TTLL11: variants seen among roughly 807,000 people sequenced by gnomAD.
TTLL11 encodes tubulin tyrosine ligase like 11.
Under a neutral mutation model 51.7 loss-of-function variants are expected in TTLL11, and 42 were observed. The ratio of observed to expected loss-of-function variants is 0.81; its 90% CI spans 0.64 to 1.05. The LOEUF (loss-of-function observed/expected upper bound fraction) is 1.05. Among genes scored for constraint, TTLL11 ranks in the 50% least tolerant of loss-of-function variants. The pLI is 0.00. For missense variants in TTLL11, 799 were observed against 940.4 expected (o/e 0.85, Z 1.97); for synonymous variants, 381 against 383.5 (o/e 0.99, Z 0.08).
chr9:121,852,527 T>C (rs544139909), intron 8 of TTLL11, among the ~76,000 whole-genome samples: 1 of 152,116 alleles, frequency 6.6e-6, no homozygotes, highest in South Asian at 2.1e-4. Context: ...TCAAAAAGAA[T>C]TCAGCTTTCT....
At chr9:121,976,395 A>G (rs1403087778) in intron 4 of TTLL11, among the ~76,000 whole-genome samples, 1 of 152,210 alleles carries the variant, frequency 6.6e-6, no homozygotes, top group Non-Finnish European at 1.5e-5. Flanking sequence ...CGCTGCCCCT[A>G]ATGAGATTCT....
chr9:121,848,438 T>C (rs1264966424), intron 8 of TTLL11, among the ~76,000 whole-genome samples: 2 of 152,040 alleles, frequency 1.3e-5, no homozygotes, highest in Non-Finnish European at 1.5e-5. Context: ...ATGAAAGGTA[T>C]AGAGATTTGG....
chr9:122,091,123 C>A (rs1846250150), intron 1 of TTLL11, among the ~76,000 whole-genome samples: 1 of 152,170 alleles, frequency 6.6e-6, no homozygotes, highest in Non-Finnish European at 1.5e-5. Context: ...GTCCATCTGG[C>A]CCCATCTCTC....
At chr9:121,918,618 T>A (rs771999693) in intron 6 of TTLL11, among the ~76,000 whole-genome samples, 21 of 152,130 alleles carry the variant, frequency 1.4e-4, no homozygotes, top group Non-Finnish European at 2.4e-4. Context: ...GAGATAAATT[T>A]AAAAATGCAT....
At chr9:122,008,076 A>G (rs1176407270) in intron 3 of TTLL11, among the ~76,000 whole-genome samples, 2 of 152,208 alleles carry the variant, frequency 1.3e-5, no homozygotes, top group African/African-American at 4.8e-5. Flanking sequence ...ACCCCAGACA[A>G]ACCCAAATTG....
chr9:121,899,404 C>T (rs10985437), intron 6 of TTLL11, among the ~76,000 whole-genome samples: 945 of 56,120 alleles, frequency 0.017, 6 homozygotes, highest in African/African-American at 0.046. Flanking sequence ...TATATATATA[C>T]ACACACACAC....
At chr9:122,033,613 G>A (rs1210241833) in intron 2 of TTLL11, among the ~76,000 whole-genome samples, 2 of 152,162 alleles carry the variant, frequency 1.3e-5, no homozygotes, top group Non-Finnish European at 2.9e-5. Context: ...CAGAATGAAT[G>A]AGTTTCCTCT....
chr9:121,918,253 T>C (rs1165455214), intron 6 of TTLL11, among the ~76,000 whole-genome samples: 1 of 152,172 alleles, frequency 6.6e-6, no homozygotes, highest in African/African-American at 2.4e-5. Context: ...TGAGACTCTG[T>C]GAGGCCTAAC....
chr9:121,866,631 G>C (rs1384574134), intron 7 of TTLL11, among the ~76,000 whole-genome samples: 1 of 144,538 alleles, frequency 6.9e-6, no homozygotes, highest in Non-Finnish European at 1.5e-5. Flanking sequence ...CTGTACTTCA[G>C]CCTGGGCAAC....
At chr9:122,049,363 G>A (rs1338830509) in intron 1 of TTLL11, among the ~76,000 whole-genome samples, 8 of 152,210 alleles carry the variant, frequency 5.3e-5, no homozygotes, top group African/African-American at 1.9e-4. Flanking sequence ...AGTGCTAGGA[G>A]AGTAAATAAC....
chr9:121,930,002 G>A, intron 6 of TTLL11, among the ~76,000 whole-genome samples: 1 of 152,200 alleles, frequency 6.6e-6, no homozygotes, highest in East Asian at 1.9e-4. Context: ...AAATTTTGGT[G>A]ATTAATGGAA....
chr9:121,915,843 T>C (rs969014126), intron 6 of TTLL11, among the ~76,000 whole-genome samples: 2 of 152,102 alleles, frequency 1.3e-5, no homozygotes, highest in Admixed American at 6.6e-5. Flanking sequence ...ACTTATCTTA[T>C]ACAAGCAGCA....
intron 4 of TTLL11, among the ~76,000 whole-genome samples, chr9:121,976,479 T>A (rs1842713381): frequency 6.6e-6 from 1 of 152,150 alleles, no homozygotes; most frequent in Non-Finnish European, 1.5e-5. Context: ...TGCAGAAAAT[T>A]TCTAACATAA....
Position 121,989,339 on chromosome 9 carries a change from C to T in TTLL11, c.1125G>A (p.Leu375=). The T allele has an allele frequency of 2.5e-6, 4 of 1,614,172 alleles. No homozygotes were observed. The South Asian group carries it at 4.4e-5, about 18-fold the overall frequency. Residue 375 remains leucine (L), a synonymous_variant, in exon 4 of 9, where the codon CTG becomes CTA. Coordinates refer to ENST00000321582, the MANE Select transcript of TTLL11 (RefSeq NM_001139442.2). This position sits in a 1 kb window ranked among gnomAD's most constrained non-coding sequence, Gnocchi z 4.2. The part of the protein sequence containing the change: ...KRTFSSILCR[L]SSKGVDIKKV... ...TCTTGATGTCAACGCCTTTGGAAGA[C>T]AGTCTACAAAGGATGCTGGAAAAAG... is the stretch of plus-strand genomic sequence containing the variant.
intron 2 of TTLL11, among the ~76,000 whole-genome samples, chr9:122,036,322 C>T (rs1844701271): frequency 6.6e-6 from 1 of 151,964 alleles, no homozygotes; most frequent in African/African-American, 2.4e-5. Flanking sequence ...TACCACCTGC[C>T]ATGTGATGCC....
intron 8 of TTLL11, among the ~76,000 whole-genome samples, chr9:121,827,640 C>T (rs1836856747): frequency 6.6e-6 from 1 of 152,218 alleles, no homozygotes; most frequent in Non-Finnish European, 1.5e-5. Flanking sequence ...ACGCCATGAG[C>T]ATATGGGCCT....
At chr9:122,029,336 A>C (rs1209198537) in intron 3 of TTLL11, among the ~76,000 whole-genome samples, 1 of 152,200 alleles carries the variant, frequency 6.6e-6, no homozygotes, top group East Asian at 1.9e-4. Flanking sequence ...ATTCCAGAAG[A>C]AAGCACTGTT....
At chr9:121,935,771 T>C (rs192550833) in intron 6 of TTLL11, among the ~76,000 whole-genome samples, 19 of 152,304 alleles carry the variant, frequency 1.2e-4, no homozygotes, top group Admixed American at 9.2e-4. Flanking sequence ...AGAGGGCTCA[T>C]TGAGAATTCA....
chr9:121,861,226 T>A (rs544341171), intron 7 of TTLL11, among the ~76,000 whole-genome samples: 1 of 152,188 alleles, frequency 6.6e-6, no homozygotes, highest in Admixed American at 6.5e-5. Context: ...GTAGCTGGGA[T>A]TACAGGTACC....
Sources: gnomAD v4.1 joint callset for allele counts (sites outside exome capture counted in the v4.1 genomes callset) on GRCh38, gnomAD v4.1.1 for gene constraint, Gnocchi (gnomAD v3.1) non-coding constraint, MANE v1.5 for transcripts, NCBI Gene and HGNC (gene_info 2026-07-23, HGNC 2026-07-21) for gene names.